The following CUX1 variants were observed in gnomAD, a reference collection of about 807,000 sequenced individuals.
The protein encoded by CUX1 is protein CASP.
In CUX1, 31 loss-of-function variants were observed where a neutral mutation model predicts 158.8. The observed-to-expected ratio is 0.20, with a 90% confidence interval of 0.15 to 0.26. The LOEUF (loss-of-function observed/expected upper bound fraction) is 0.26, where lower values mean the gene tolerates loss of function less well. Ranked by LOEUF, CUX1 falls within the 10% of genes least tolerant of loss-of-function variation. The pLI is 1.00. For missense variants in CUX1, 1,589 were observed against 2,014.6 expected (o/e 0.79, Z 4.04); for synonymous variants, 879 against 862.1 (o/e 1.02, Z -0.34).
chr7:101,929,884 C>G (rs1806094857), intron 2 of CUX1, among the ~76,000 whole-genome samples: 1 of 152,166 alleles, frequency 6.6e-6, no homozygotes, highest in East Asian at 1.9e-4. Context: ...TCTTGTCACC[C>G]AGGCTGGAGT....
chr7:101,966,290 G>C (rs1213534862), intron 2 of CUX1, among the ~76,000 whole-genome samples: 2 of 150,312 alleles, frequency 1.3e-5, no homozygotes, highest in African/African-American at 4.9e-5. Context: ...CCGGATTATA[G>C]TGTTTTGACT....
chr7:101,920,817 A>G (rs1378436094), intron 2 of CUX1, among the ~76,000 whole-genome samples: 1 of 152,200 alleles, frequency 6.6e-6, no homozygotes, highest in Non-Finnish European at 1.5e-5. Flanking sequence ...ATCGTGGAAC[A>G]TAATAGGCGG....
intron 2 of CUX1, among the ~76,000 whole-genome samples, chr7:101,935,942 T>C (rs1563031140): frequency 6.6e-6 from 1 of 152,186 alleles, no homozygotes; most frequent in Non-Finnish European, 1.5e-5. Flanking sequence ...GCTGAGACAC[T>C]GTTTTAGAGG....
intron 3 of CUX1, among the ~76,000 whole-genome samples, chr7:102,044,720 C>T (rs1165478424): frequency 2.6e-5 from 4 of 151,988 alleles, no homozygotes; most frequent in Non-Finnish European, 4.4e-5. Flanking sequence ...GTGTGATGTG[C>T]GAGCATCTAC....
At chr7:102,232,741 G>T (rs564662528) in intron 21 of CUX1, among the ~76,000 whole-genome samples, 187 of 152,346 alleles carry the variant, frequency 1.2e-3, no homozygotes, top group African/African-American at 4.3e-3. Flanking sequence ...ACTCAATGCG[G>T]CTGTGCTCTC....
At chr7:101,992,125 G>C (rs1815215862) in intron 2 of CUX1, among the ~76,000 whole-genome samples, 1 of 152,154 alleles carries the variant, frequency 6.6e-6, no homozygotes, top group Middle Eastern at 3.2e-3. Context: ...GGTAAGTGTG[G>C]CTACAGTCAC....
chr7:101,923,626 C>G (rs949300500), intron 2 of CUX1, among the ~76,000 whole-genome samples: 2 of 152,224 alleles, frequency 1.3e-5, no homozygotes, highest in Non-Finnish European at 2.9e-5. Flanking sequence ...ATTTTTGCCT[C>G]TACATTTCTT....
chr7:102,238,994 A>G (rs911683478), intron 22 of CUX1, among the ~76,000 whole-genome samples: 1 of 152,094 alleles, frequency 6.6e-6, no homozygotes, highest in Non-Finnish European at 1.5e-5. Flanking sequence ...GGTTCATGCA[A>G]TTCTGCCTCA....
intron 14 of CUX1, among the ~76,000 whole-genome samples, chr7:102,272,350 C>A (rs1382885699): frequency 1.3e-5 from 2 of 152,224 alleles, no homozygotes; most frequent in African/African-American, 4.8e-5. Flanking sequence ...CATACCATTT[C>A]CCTGGCACTG....
downstream of CUX1, among the ~76,000 whole-genome samples, chr7:102,258,467 G>A (rs1181601516): frequency 2.0e-5 from 3 of 152,174 alleles, no homozygotes; most frequent in Non-Finnish European, 2.9e-5. Context: ...TCACAGGAAG[G>A]GCTTCGCCAG....
chr7:102,151,006 T>C (rs1383673381), intron 8 of CUX1, among the ~76,000 whole-genome samples: 1 of 152,182 alleles, frequency 6.6e-6, no homozygotes, highest in Non-Finnish European at 1.5e-5. Flanking sequence ...TTTAGACCAA[T>C]GTCAGGCTGC....
intron 14 of CUX1, among the ~76,000 whole-genome samples, chr7:102,272,799 G>A (rs1791313635): frequency 6.6e-6 from 1 of 152,180 alleles, no homozygotes; most frequent in Non-Finnish European, 1.5e-5. Context: ...TGGGGACCAC[G>A]CCACCCCAAC....
intron 7 of CUX1, among the ~76,000 whole-genome samples, chr7:102,113,008 A>G (rs1305321578): frequency 2.0e-5 from 3 of 152,200 alleles, no homozygotes; most frequent in African/African-American, 7.2e-5. Flanking sequence ...AATCACCACA[A>G]ATTTGACAAA....
chr7:102,177,710 T>C (rs1792538353), intron 10 of CUX1, among the ~76,000 whole-genome samples: 1 of 152,082 alleles, frequency 6.6e-6, no homozygotes, highest in Admixed American at 6.6e-5. Context: ...AGTGAGTCTT[T>C]TCCTGGCCAT....
intron 8 of CUX1, among the ~76,000 whole-genome samples, chr7:102,156,757 C>T (rs1466640539): frequency 6.6e-6 from 1 of 152,226 alleles, no homozygotes; most frequent in Admixed American, 6.5e-5. Flanking sequence ...CAGGAGTAGA[C>T]TTGCCCGTCA....
intron 1 of CUX1, among the ~76,000 whole-genome samples, chr7:101,866,399 G>T (rs1430176020): frequency 1.3e-5 from 2 of 152,134 alleles, no homozygotes; most frequent in Admixed American, 6.6e-5. Flanking sequence ...AACCTGGGAG[G>T]TAAAGGTTGC....
chr7:102,033,743 A>C (rs1231583320), intron 3 of CUX1, among the ~76,000 whole-genome samples: 2 of 152,122 alleles, frequency 1.3e-5, no homozygotes. Flanking sequence ...TACTTAGCAG[A>C]CTCCTTCAGA....
In CUX1 at chr7:102,249,293, G is replaced by T. The variant is rs1456524907; in HGVS notation, c.*251G>T. 2 of 1,040,794 alleles carry T rather than the reference G, an allele frequency of 1.9e-6. No homozygotes were observed. Among genetic ancestry groups the T allele is most frequent in the African/African-American group, 3.4e-5 (2 of 58,350 alleles). 64.5% of individuals were successfully genotyped at this position (1,040,794 alleles called of 1,614,324 possible). ...CGACCCTGCGGCCTCCACCAACCCC[G>T]CGGCCCAGACCCAGCCCGCGGCCTG... is the stretch of plus-strand genomic sequence containing the variant. On this transcript the variant is annotated 3_prime_UTR_variant, in exon 24 of 24. Coordinates refer to ENST00000292535, the MANE Select transcript of CUX1 (RefSeq NM_181552.4).
intron 4 of CUX1, among the ~76,000 whole-genome samples, chr7:102,094,390 A>G (rs1828965737): frequency 6.6e-6 from 1 of 152,256 alleles, no homozygotes; most frequent in Admixed American, 6.5e-5. Flanking sequence ...TATACATGCC[A>G]TGATGAATGA....
Sources: allele counts gnomAD v4.1 joint callset (sites outside exome capture counted in the v4.1 genomes callset), GRCh38; gene constraint gnomAD v4.1.1; transcripts MANE v1.5; gene names NCBI Gene and HGNC (gene_info 2026-07-23, HGNC 2026-07-21).